LINGO2: variants seen among roughly 807,000 people sequenced by gnomAD.
The protein encoded by LINGO2 is leucine-rich repeat and immunoglobulin-like domain-containing nogo receptor-interacting protein 2.
Under a neutral mutation model 30.6 loss-of-function variants are expected in LINGO2, and 14 were observed. The ratio of observed to expected loss-of-function variants is 0.46; its 90% CI spans 0.30 to 0.72. The LOEUF is 0.72. LINGO2 is among the 30% of genes least tolerant of loss of function. LINGO2 has a pLI of 0.07. For synonymous variants in LINGO2, 317 were observed against 288.5 expected (o/e 1.10, Z -1.00); for missense variants, 729 against 751.7 (o/e 0.97, Z 0.35).
the LINGO2 span, among the ~76,000 whole-genome samples, chr9:29,091,793 C>T: frequency 2.6e-5 from 4 of 151,972 alleles, no homozygotes; most frequent in African/African-American, 4.8e-5. Context: ...GTTAAGTAAC[C>T]ACTTAGGTTA....
chr9:29,128,838 C>T, the LINGO2 span, among the ~76,000 whole-genome samples: 14 of 152,052 alleles, frequency 9.2e-5, no homozygotes, highest in African/African-American at 2.2e-4. Context: ...TATTGTTATA[C>T]GTTGTGCCTA....
chr9:29,104,857 G>C, the LINGO2 span, among the ~76,000 whole-genome samples: 1 of 152,060 alleles, frequency 6.6e-6, no homozygotes, highest in Non-Finnish European at 1.5e-5. Flanking sequence ...TATATTGAAA[G>C]CAATTTTCCC....
the LINGO2 span, among the ~76,000 whole-genome samples, chr9:29,117,577 G>A: frequency 6.6e-6 from 1 of 152,126 alleles, no homozygotes; most frequent in Non-Finnish European, 1.5e-5. Flanking sequence ...GTCATCGACT[G>A]TGGGACAACC....
chr9:28,100,675 C>T (rs1352855050), intron 4 of LINGO2, among the ~76,000 whole-genome samples: 1 of 152,108 alleles, frequency 6.6e-6, no homozygotes, highest in Non-Finnish European at 1.5e-5. Context: ...AGCATAAAGA[C>T]CCCTGTGCAA....
chr9:28,019,608 A>T (rs1006078389), intron 4 of LINGO2, among the ~76,000 whole-genome samples: 1 of 152,152 alleles, frequency 6.6e-6, no homozygotes, highest in Non-Finnish European at 1.5e-5. Flanking sequence ...ATCAGAATTG[A>T]GCAGGGCTTA....
intron 3 of LINGO2, among the ~76,000 whole-genome samples, chr9:28,307,143 T>C (rs570842554): frequency 6.6e-5 from 10 of 152,008 alleles, no homozygotes; most frequent in African/African-American, 2.4e-4. Context: ...GAATTTTAGA[T>C]CAATATCCCT....
chr9:28,075,340 A>G (rs1825592616), intron 4 of LINGO2, among the ~76,000 whole-genome samples: 1 of 152,020 alleles, frequency 6.6e-6, no homozygotes, highest in African/African-American at 2.4e-5. Flanking sequence ...ACTAAAATTT[A>G]TGTATCCATA....
At position 27,976,015 on chromosome 9, in the gene LINGO2, G is replaced by A. The variant is rs150326928; in HGVS notation, c.-35-25309C>T. ...GCACAGACTAATGGTTAAGCCCATG[G>A]GTTTGGAATCAGGCTGGTCCTAGCA... On this transcript the variant is annotated intron_variant, in intron 5 of 5. Coordinates refer to ENST00000379992, the Ensembl canonical transcript of LINGO2. Among the ~76,000 whole-genome samples, 65 of 152,192 alleles carry A rather than the reference G, an allele frequency of 4.3e-4. No individual in the cohort carries two copies. In the Middle Eastern group the frequency reaches 0.01, roughly 24 times the overall value.
At chr9:28,354,028 G>T (rs1227585507) in intron 3 of LINGO2, among the ~76,000 whole-genome samples, 3 of 152,226 alleles carry the variant, frequency 2.0e-5, no homozygotes, top group South Asian at 2.1e-4. Context: ...GGCAGGGATA[G>T]CATCGGGAGA....
intron 4 of LINGO2, among the ~76,000 whole-genome samples, chr9:28,077,966 G>T (rs1159943572): frequency 6.7e-6 from 1 of 149,192 alleles, no homozygotes; most frequent in Non-Finnish European, 1.5e-5. Context: ...TCTAGAGAAT[G>T]ATGTGGTTGT....
intron 1 of LINGO2, among the ~76,000 whole-genome samples, chr9:28,624,759 C>G (rs1259976500): frequency 1.3e-5 from 2 of 151,180 alleles, no homozygotes; most frequent in Admixed American, 6.6e-5. Context: ...TGGTATTAGT[C>G]TAGAAATGTC....
exon 6 of LINGO2, chr9:27,950,219 A>C (rs555033673): frequency 6.2e-7 from 1 of 1,613,992 alleles, no homozygotes; most frequent in South Asian, 1.1e-5. Context: ...GGTTATGTAG[A>C]TCTTGGAACA....
chr9:27,985,684 T>C (rs1821091413), intron 5 of LINGO2, among the ~76,000 whole-genome samples: 1 of 151,846 alleles, frequency 6.6e-6, no homozygotes, highest in South Asian at 2.1e-4. Context: ...ATGATGATGA[T>C]GATTACTATG....
the LINGO2 span, among the ~76,000 whole-genome samples, chr9:29,190,900 T>C: frequency 2.6e-5 from 4 of 152,240 alleles, no homozygotes; most frequent in Non-Finnish European, 4.4e-5. Flanking sequence ...ATAGGTGTAT[T>C]GGTCTTGGAT....
chr9:28,117,759 C>T (rs1255354450), intron 4 of LINGO2, among the ~76,000 whole-genome samples: 1 of 149,970 alleles, frequency 6.7e-6, no homozygotes, highest in South Asian at 2.1e-4. Context: ...ATGCCTTGCC[C>T]TGCTTCGGCT....
the LINGO2 span, among the ~76,000 whole-genome samples, chr9:28,919,109 G>A: frequency 2.0e-5 from 3 of 152,120 alleles, no homozygotes; most frequent in Non-Finnish European, 4.4e-5. Flanking sequence ...TCAGGTGTCT[G>A]GGAGATATTT....
intron 4 of LINGO2, among the ~76,000 whole-genome samples, chr9:28,171,307 T>C (rs138650349): frequency 2.6e-5 from 4 of 152,284 alleles, no homozygotes; most frequent in South Asian, 2.1e-4. Flanking sequence ...AGCAGAGTAT[T>C]AGGGTACCCT....
At chr9:28,263,114 T>G (rs1822623836) in intron 4 of LINGO2, among the ~76,000 whole-genome samples, 1 of 151,968 alleles carries the variant, frequency 6.6e-6, no homozygotes, top group Non-Finnish European at 1.5e-5. Context: ...TGGCAGAATT[T>G]AGTTTCTTGC....
At chr9:28,060,685 G>A (rs1478736082) in intron 4 of LINGO2, among the ~76,000 whole-genome samples, 1 of 152,166 alleles carries the variant, frequency 6.6e-6, no homozygotes, top group East Asian at 1.9e-4. Context: ...TTTCTTAAAT[G>A]TAAGTGCAAA....
Sources: gnomAD v4.1 joint callset for allele counts (sites outside exome capture counted in the v4.1 genomes callset) on GRCh38, gnomAD v4.1.1 for gene constraint, MANE v1.5 for transcripts, NCBI Gene and HGNC (gene_info 2026-07-23, HGNC 2026-07-21) for gene names.